Variants in PRMT5 observed in about 807,000 individuals in gnomAD.
PRMT5 encodes protein arginine N-methyltransferase 5.
In PRMT5, 15 loss-of-function variants were observed where a neutral mutation model predicts 84.0. That is an observed-to-expected ratio of 0.18 (90% confidence interval 0.12 to 0.28). PRMT5 has a LOEUF of 0.28. Ranked by LOEUF, PRMT5 falls within the 10% of genes least tolerant of loss-of-function variation. The pLI is 1.00. For missense variants in PRMT5, 486 were observed against 808.0 expected (o/e 0.60, Z 4.83); for synonymous variants, 276 against 292.4 (o/e 0.94, Z 0.57).
In PRMT5 at chr14:22,922,579, T is replaced by C. The variant is rs1257607229; in HGVS notation, c.1580-20A>G. ...TAGGATCTGTCAGGAAATAATTATG[T>C]GGGTGACAAGGGGCCAGAAGCTCTA... On this transcript the variant is annotated intron_variant, in intron 14 of 16. Coordinates refer to ENST00000324366, the MANE Select transcript of PRMT5 (RefSeq NM_006109.5). 1.9e-6 allele frequency: 3 copies of C among 1,595,426 alleles called. No individual in the cohort carries two copies. The highest frequency in any genetic ancestry group is 1.7e-6 in the Non-Finnish European group (2 of 1,163,142).
In PRMT5 at chr14:22,924,712, G is replaced by A. The variant is rs958307047; in HGVS notation, c.940-3C>T. 1 of 1,613,378 alleles carries A rather than the reference G, an allele frequency of 6.2e-7. No homozygotes were observed. Among genetic ancestry groups the A allele is most frequent in the Non-Finnish European group, 8.5e-7 (1 of 1,179,610 alleles). On this transcript the variant is annotated splice_polypyrimidine_tract_variant and splice_region_variant and intron_variant, in intron 8 of 16. Transcript: ENST00000324366. The surrounding 1 kb of genome is among the most constrained non-coding windows in gnomAD (Gnocchi z 6.5). ...GATTCCAGATTGTCCATCAGTGGCTGATGAATGAGGAAAAGGACAAAGTTA... is the reference window on the plus strand; with the variant it reads ...GATTCCAGATTGTCCATCAGTGGCTAATGAATGAGGAAAAGGACAAAGTTA...
In PRMT5 at chr14:22,924,422, C is replaced by T. The variant is rs1465586519; in HGVS notation, c.1077-30G>A. On this transcript the variant is annotated intron_variant, in intron 10 of 16. Transcript: ENST00000324366. The surrounding 1 kb of genome is among the most constrained non-coding windows in gnomAD (Gnocchi z 6.5). ...GAAAGAAAGGGAAGAGTCAAGCAGA[C>T]TTGGCATATACAGATATAGGTATGC... The T allele has an allele frequency of 2.5e-6, 4 of 1,613,932 alleles. No individual in the cohort carries two copies. Among genetic ancestry groups the T allele is most frequent in the Non-Finnish European group, 3.4e-6 (4 of 1,180,006 alleles).
Position 22,924,754 on chromosome 14 carries a change from G to A in PRMT5, c.940-45C>T. The A allele has an allele frequency of 6.2e-7, 1 of 1,600,526 alleles. No individual in the cohort carries two copies. Among genetic ancestry groups the A allele is most frequent in the South Asian group, 1.1e-5 (1 of 89,964 alleles). On this transcript the variant is annotated intron_variant, in intron 8 of 16. Transcript: ENST00000324366. This position sits in a 1 kb window ranked among gnomAD's most constrained non-coding sequence, Gnocchi z 6.5. ...ACAAAGTTAGCCAGTTTCTGGCAAAGGACAATGCACTAAAATATCAAAAAC... is the reference window on the plus strand; with the variant it reads ...ACAAAGTTAGCCAGTTTCTGGCAAAAGACAATGCACTAAAATATCAAAAAC...
intron 1 of PRMT5, 169 bp downstream of exon 1, chr14:22,929,083 T>C: frequency 3.9e-6 from 6 of 1,549,424 alleles, no homozygotes; most frequent in South Asian, 1.2e-5. Context: ...CCACAAGTTA[T>C]TTTCCTCACG....
In PRMT5 at chr14:22,928,102, A is replaced by C; in HGVS notation, c.315+24T>G. 6.2e-7 allele frequency: 1 copy of C among 1,604,126 alleles called. No individual in the cohort carries two copies. Among genetic ancestry groups the C allele is most frequent in the Non-Finnish European group, 8.5e-7 (1 of 1,173,352 alleles). On this transcript the variant is annotated intron_variant, in intron 3 of 16. Coordinates refer to ENST00000324366, the MANE Select transcript of PRMT5 (RefSeq NM_006109.5). This position sits in a 1 kb window ranked among gnomAD's most constrained non-coding sequence, Gnocchi z 4.8. ...CCACCCAGCTTGGTTAGAAAAATCC[A>C]GCAGAGAAGTCAAACAGTCTTACCG...
chr14:22,926,797 G>C lies in PRMT5; in HGVS notation c.468C>G (p.Pro156=). The change falls in exon 5 of 17, where the codon CCC becomes CCG. Residue 156 remains proline, a synonymous_variant. Coordinates refer to ENST00000324366, the MANE Select transcript of PRMT5 (RefSeq NM_006109.5). ...CTCTCAGGTCCTCTGGTGCCACCAA[G>C]GGTACCCGCATCCAGAACTGCACAT... The part of the protein sequence containing the change: ...HHSSMFWMRV[P]LVAPEDLRDD... 6.2e-7 allele frequency: 1 copy of C among 1,613,680 alleles called. No homozygotes were observed. The highest frequency in any genetic ancestry group is 8.5e-7 in the Non-Finnish European group (1 of 1,179,618).
At chr14:22,922,355 C>T (rs1304809266) in intron 15 of PRMT5, 88 bp downstream of exon 15, 3 of 1,405,144 alleles carry the variant, frequency 2.1e-6, no homozygotes, top group African/African-American at 1.4e-5. Flanking sequence ...AGCACTGGGC[C>T]CCCCATAAAT....
intron 7 of PRMT5, among the ~76,000 whole-genome samples, chr14:22,925,671 T>C (rs1307801276): frequency 6.6e-6 from 1 of 151,874 alleles, no homozygotes; most frequent in African/African-American, 2.4e-5. Flanking sequence ...ATACAAAAAT[T>C]AGCCGGGCAG....
In PRMT5 at chr14:22,924,600, G is replaced by C. The variant is rs1248727730; in HGVS notation, c.1017+32C>G. The C allele has an allele frequency of 6.2e-7, 1 of 1,612,980 alleles. No individual in the cohort carries two copies. The highest frequency in any genetic ancestry group is 1.7e-5 in the Admixed American group (1 of 60,016). ...ATCCTCCCCAGGTCATGCTGGCCCTGTGCTTTCCTCACCCTGGGCACCACA... is the reference window on the plus strand; with the variant it reads ...ATCCTCCCCAGGTCATGCTGGCCCTCTGCTTTCCTCACCCTGGGCACCACA... On this transcript the variant is annotated intron_variant, in intron 9 of 16. Coordinates refer to ENST00000324366, the MANE Select transcript of PRMT5 (RefSeq NM_006109.5). The surrounding 1 kb of genome is among the most constrained non-coding windows in gnomAD (Gnocchi z 6.5).
rs764324470 is a variant in PRMT5, at chr14:22,928,326, T to C, written c.230-115A>G. On this transcript the variant is annotated intron_variant, in intron 2 of 16. Coordinates refer to ENST00000324366, the MANE Select transcript of PRMT5 (RefSeq NM_006109.5). This position sits in a 1 kb window ranked among gnomAD's most constrained non-coding sequence, Gnocchi z 4.8. ...ATGAGAGACAAAGGTTTTTTCTACA[T>C]AGACATGGGATAGCCTGATGCAGAA... The C allele has an allele frequency of 7.3e-5, 92 of 1,254,930 alleles. No individual in the cohort carries two copies. The highest frequency in any genetic ancestry group is 1.0e-4 in the Non-Finnish European group (89 of 866,190). 77.7% of individuals were successfully genotyped at this position (1,254,930 alleles called of 1,614,324 possible).
At position 22,927,573 on chromosome 14, in the gene PRMT5, C is replaced by T; in HGVS notation, c.403G>A (p.Ala135Thr). 6.2e-7 allele frequency: 1 copy of T among 1,613,982 alleles called. No individual in the cohort carries two copies. Among genetic ancestry groups the T allele is most frequent in the Non-Finnish European group, 8.5e-7 (1 of 1,180,010 alleles). ...PLNQEDNTNL[A>T]RVLTNHIHTG... ...TGGATGTGGTTGGTCAAAACTCTGG[C>T]CAGGTTGGTGTTATCTTCCTGATTA... The change falls in exon 4 of 17, where the codon GCC becomes ACC. Residue 135 changes from alanine (A) to threonine (T), a missense_variant. Physicochemically the swap from Ala to Thr is moderately conservative, Grantham distance 58. Transcript: ENST00000324366.
At chr14:22,922,080 A>T in intron 16 of PRMT5, 96 bp downstream of exon 16, 1 of 1,083,578 alleles carries the variant, frequency 9.2e-7, no homozygotes, top group Non-Finnish European at 1.4e-6. Context: ...GGAGAACATG[A>T]GTCATAGTCA....
chr14:22,928,419 G>A lies in PRMT5; in HGVS notation c.229+78C>T, dbSNP rs2139253876. ...TAACAAATATATCCAAGTCAGAAAA[G>A]GAGGAGAATGAGGGCCCCGATAAAG... On this transcript the variant is annotated intron_variant, in intron 2 of 16. Transcript: ENST00000324366. This position sits in a 1 kb window ranked among gnomAD's most constrained non-coding sequence, Gnocchi z 4.8. 1 of 1,302,394 alleles carries A rather than the reference G, an allele frequency of 7.7e-7. No homozygotes were observed. The highest frequency in any genetic ancestry group is 2.3e-5 in the East Asian group (1 of 43,134). The allele number at this position is 1,302,394 out of a possible 1,614,324, so 80.7% of individuals were successfully genotyped here.
In PRMT5 at chr14:22,920,913, A is replaced by T; in HGVS notation, c.1905T>A (p.Ile635=). The part of the protein sequence containing the change: ...IHNPTGRSYT[I]GL ...CACTTGGCACGCAGGGCTAGAGGCC[A>T]ATGGTATATGAGCGGCCTGTGGGGT... The change falls in exon 17 of 17, where the codon ATT becomes ATA. Residue 635 remains isoleucine, a synonymous_variant. Transcript: ENST00000324366. The T allele has an allele frequency of 6.2e-7, 1 of 1,614,224 alleles. No homozygotes were observed. Among genetic ancestry groups the T allele is most frequent in the Non-Finnish European group, 8.5e-7 (1 of 1,180,024 alleles).
intron 6 of PRMT5, 73 bp from the exon 7 acceptor site, chr14:22,926,369 C>G: frequency 6.3e-7 from 1 of 1,596,090 alleles, no homozygotes; most frequent in Non-Finnish European, 8.6e-7. Context: ...TGCGCAAAAT[C>G]TGTTTACTTC....
chr14:22,923,216 C>G lies in PRMT5; in HGVS notation c.1376-56G>C. The G allele has an allele frequency of 7.5e-7, 1 of 1,333,934 alleles. No homozygotes were observed. The highest frequency in any genetic ancestry group is 1.0e-6 in the Non-Finnish European group (1 of 960,668). The allele number at this position is 1,333,934 out of a possible 1,614,324, so 82.6% of individuals were successfully genotyped here. ...GAGGGAGGGAAATGGTATGTCTGTA[C>G]TAACTGAAGGATCAGAAGGATCAAA... is the stretch of plus-strand genomic sequence containing the variant. On this transcript the variant is annotated intron_variant, in intron 12 of 16. Transcript: ENST00000324366. The surrounding 1 kb of genome is among the most constrained non-coding windows in gnomAD (Gnocchi z 5.2).
chr14:22,921,372 T>C (rs1024860763), intron 16 of PRMT5, among the ~76,000 whole-genome samples: 1 of 152,094 alleles, frequency 6.6e-6, no homozygotes, highest in Non-Finnish European at 1.5e-5. Flanking sequence ...CAAAGAACTC[T>C]ACAGGCAAGA....
At position 22,920,766 on chromosome 14, in the gene PRMT5, G is replaced by A. The variant is rs780359891; in HGVS notation, c.*138C>T. On this transcript the variant is annotated 3_prime_UTR_variant, in exon 17 of 17. Transcript: ENST00000324366. ...ATTATAATCCCTTGCCCACCTTGATGTAAGGCAGGAAAGCAGATTGAAATG... is the reference window on the plus strand; with the variant it reads ...ATTATAATCCCTTGCCCACCTTGATATAAGGCAGGAAAGCAGATTGAAATG... 14 of 1,269,410 alleles carry A rather than the reference G, an allele frequency of 1.1e-5. No individual in the cohort carries two copies. Among genetic ancestry groups the A allele is most frequent in the Admixed American group, 1.7e-5 (1 of 57,952 alleles). The allele number at this position is 1,269,410 out of a possible 1,614,324, so 78.6% of individuals were successfully genotyped here.
At chr14:22,921,899 A>AAG (rs1396884049) in intron 16 of PRMT5, among the ~76,000 whole-genome samples, 1 of 151,500 alleles carries the variant, frequency 6.6e-6, no homozygotes, top group East Asian at 1.9e-4. Flanking sequence ...AAAAAAAAAA[A>AAG]AAAAAGACAG....
Sources: gnomAD v4.1 joint callset for allele counts (sites outside exome capture counted in the v4.1 genomes callset) on GRCh38, gnomAD v4.1.1 for gene constraint, Gnocchi (gnomAD v3.1) non-coding constraint, MANE v1.5 for transcripts, NCBI Gene and HGNC (gene_info 2026-07-23, HGNC 2026-07-21) for gene names.